The following HRH1 variants were observed in gnomAD, a reference collection of about 807,000 sequenced individuals.
HRH1 encodes the protein histamine receptor H1, also known as histamine H1 receptor.
HRH1 carries 6 observed loss-of-function variants against 10.3 expected under a neutral mutation model. The ratio of observed to expected loss-of-function variants is 0.58; its 90% confidence interval spans 0.32 to 1.15. HRH1 has a LOEUF of 1.15. HRH1 is among the 50% of genes most tolerant of loss of function. The pLI is 0.05. For missense variants in HRH1, 514 were observed against 615.3 expected (o/e 0.84, Z 1.74); for synonymous variants, 242 against 236.7 (o/e 1.02, Z -0.21).
chr3:11,210,413 TG>T (rs1938287663), intron 1 of HRH1, among the ~76,000 whole-genome samples: 1 of 151,770 alleles, frequency 6.6e-6, no homozygotes. Flanking sequence ...AATAAATAAA[TG>T]GGGTTAATAA....
At chr3:11,227,444 G>A (rs536879840) in intron 1 of HRH1, among the ~76,000 whole-genome samples, 10 of 152,096 alleles carry the variant, frequency 6.6e-5, no homozygotes, top group African/African-American at 1.9e-4. Context: ...CCGCCACCAC[G>A]CCTGGCTAAT....
chr3:11,234,960 A>T (rs1939137493), intron 1 of HRH1, among the ~76,000 whole-genome samples: 1 of 152,162 alleles, frequency 6.6e-6, no homozygotes, highest in South Asian at 2.1e-4. Flanking sequence ...TCACGCCTGT[A>T]ATCCCAGCAC....
At chr3:11,205,256 G>A (rs924344571) in intron 1 of HRH1, among the ~76,000 whole-genome samples, 1 of 152,070 alleles carries the variant, frequency 6.6e-6, no homozygotes, top group Non-Finnish European at 1.5e-5. Flanking sequence ...CGCATTGTAC[G>A]GAAACTGCTT....
At chr3:11,203,758 G>T (rs1275318151) in intron 1 of HRH1, among the ~76,000 whole-genome samples, 4 of 152,260 alleles carry the variant, frequency 2.6e-5, no homozygotes, top group Middle Eastern at 6.8e-3. Context: ...TTTATAGTAA[G>T]TCTTAAAGTT....
At chr3:11,207,690 G>A (rs1033229125) in intron 1 of HRH1, among the ~76,000 whole-genome samples, 5 of 152,142 alleles carry the variant, frequency 3.3e-5, no homozygotes, top group Admixed American at 2.0e-4. Flanking sequence ...AATAAAATGG[G>A]GTCATTCAAA....
At chr3:11,223,475 G>A (rs1022391875) in intron 1 of HRH1, among the ~76,000 whole-genome samples, 3 of 148,410 alleles carry the variant, frequency 2.0e-5, no homozygotes, top group Admixed American at 6.8e-5. Context: ...CTCCAGCCTG[G>A]GCGACAGAGC....
Position 11,259,431 on chromosome 3 carries a change from C to A in HRH1, c.394C>A (p.Pro132Thr), listed in dbSNP as rs1189069353. 6.2e-7 allele frequency: 1 copy of A among 1,613,876 alleles called. No homozygotes were observed. Among genetic ancestry groups the A allele is most frequent in the Admixed American group, 1.7e-5 (1 of 59,996 alleles). Residue 132 changes from proline (P) to threonine (T), a missense_variant, in exon 2 of 2, where the codon CCC (proline) becomes ACC (threonine). Physicochemically the swap from Pro to Thr is conservative, Grantham distance 38 (BLOSUM62 -1). Coordinates refer to ENST00000431010, the MANE Select transcript of HRH1 (RefSeq NM_001098212.2). This position sits in a 1 kb window ranked among gnomAD's most constrained non-coding sequence, Gnocchi z 4.6. ...CIDRYRSVQQPLRYLKYRTKT... is the reference protein window; with the variant it reads ...CIDRYRSVQQTLRYLKYRTKT... ...TGATCGCTACCGCTCTGTCCAGCAG[C>A]CCCTCAGGTACCTTAAGTATCGTAC...
intron 1 of HRH1, among the ~76,000 whole-genome samples, chr3:11,226,935 G>C (rs1938902052): frequency 6.6e-6 from 1 of 151,102 alleles, no homozygotes; most frequent in South Asian, 2.1e-4. Flanking sequence ...TATTTGGGTT[G>C]TTACCCTTGT....
intron 1 of HRH1, among the ~76,000 whole-genome samples, chr3:11,199,372 C>T (rs553327074): frequency 3.0e-4 from 46 of 152,262 alleles, no homozygotes; most frequent in African/African-American, 1.1e-3. Flanking sequence ...CTTATTTGCC[C>T]TCACCTCAGG....
intron 1 of HRH1, among the ~76,000 whole-genome samples, chr3:11,168,455 C>G (rs1937090252): frequency 6.6e-6 from 1 of 152,172 alleles, no homozygotes; most frequent in Admixed American, 6.5e-5. Context: ...GGGCCTAGGC[C>G]AGGGTACAAT....
chr3:11,186,011 C>A (rs1937446039), intron 1 of HRH1, among the ~76,000 whole-genome samples: 1 of 152,146 alleles, frequency 6.6e-6, no homozygotes. Context: ...CCCTCCAACC[C>A]CCTTCCAGAT....
At chr3:11,223,182 T>TAA in intron 1 of HRH1, among the ~76,000 whole-genome samples, 1 of 17,804 alleles carries the variant, frequency 5.6e-5, no homozygotes. Context: ...AGACTTCGTC[T>TAA]CAAAAAAAAA....
intron 1 of HRH1, among the ~76,000 whole-genome samples, chr3:11,213,485 A>G (rs918702065): frequency 2.0e-5 from 3 of 152,218 alleles, no homozygotes; most frequent in African/African-American, 7.2e-5. Flanking sequence ...AAAGTACAGA[A>G]ACTCATTTCC....
intron 1 of HRH1, among the ~76,000 whole-genome samples, chr3:11,203,257 T>C (rs896901943): frequency 6.6e-6 from 1 of 151,686 alleles, no homozygotes; most frequent in Admixed American, 6.6e-5. Flanking sequence ...TTTCAAGTCT[T>C]GGGTAAACAC....
intron 1 of HRH1, among the ~76,000 whole-genome samples, chr3:11,249,712 A>G (rs1039636593): frequency 6.6e-6 from 1 of 152,186 alleles, no homozygotes; most frequent in Admixed American, 6.5e-5. Flanking sequence ...TTGGTTGTCA[A>G]TAGAACATTG....
chr3:11,230,175 TG>T (rs1939002215), intron 1 of HRH1, among the ~76,000 whole-genome samples: 2 of 152,162 alleles, frequency 1.3e-5, no homozygotes, highest in African/African-American at 4.8e-5. Context: ...TGAAGTCCAC[TG>T]GGTAGGTTCA....
At chr3:11,207,484 G>A (rs960035617) in intron 1 of HRH1, among the ~76,000 whole-genome samples, 7 of 152,082 alleles carry the variant, frequency 4.6e-5, no homozygotes, top group African/African-American at 1.7e-4. Flanking sequence ...CAGGAGAATG[G>A]CGTGAACCTG....
At chr3:11,170,012 C>T (rs1049923748) in intron 1 of HRH1, among the ~76,000 whole-genome samples, 1 of 152,210 alleles carries the variant, frequency 6.6e-6, no homozygotes, top group Admixed American at 6.5e-5. Flanking sequence ...ACCTCCCTCG[C>T]TAGGAATGCA....
rs543569580 is a variant in HRH1 at position 11,172,572 on chromosome 3, T to C, written c.-36+18018T>C. On this transcript the variant is annotated intron_variant, in intron 1 of 1. Transcript: ENST00000431010. ...AGCTGCTTGCTAGAATCTCGACCTC[T>C]CCTGGGAACCCCTCCTCATGCTTAC... Among the ~76,000 whole-genome samples, 4 of 152,192 alleles carry C rather than the reference T, an allele frequency of 2.6e-5. No homozygotes were observed. In the East Asian group the frequency reaches 7.7e-4, roughly 29 times the overall value.
Sources: gnomAD v4.1 joint callset for allele counts (sites outside exome capture counted in the v4.1 genomes callset) on GRCh38, gnomAD v4.1.1 for gene constraint, Gnocchi (gnomAD v3.1) non-coding constraint, MANE v1.5 for transcripts, NCBI Gene and HGNC (gene_info 2026-07-23, HGNC 2026-07-21) for gene names.